Variants in ADAMTS3 observed in about 807,000 individuals in gnomAD.
The protein encoded by ADAMTS3 is A disintegrin and metalloproteinase with thrombospondin motifs 3.
In ADAMTS3, 73 loss-of-function variants were observed where a neutral mutation model predicts 129.0. The observed-to-expected ratio is 0.57, with a 90% CI of 0.47 to 0.69. ADAMTS3 has a LOEUF of 0.69. Among genes scored for constraint, ADAMTS3 ranks in the 30% least tolerant of loss-of-function variants. The probability of loss-of-function intolerance (pLI) is 0.00; values close to 1 mark genes in which losing one functional copy is unlikely to be tolerated. For synonymous variants in ADAMTS3, 477 were observed against 510.8 expected (o/e 0.93, Z 0.89); for missense variants, 1,457 against 1,514.5 (o/e 0.96, Z 0.63).
chr4:72,462,735 A>T (rs1170046215), intron 3 of ADAMTS3, among the ~76,000 whole-genome samples: 1 of 152,010 alleles, frequency 6.6e-6, no homozygotes, highest in Non-Finnish European at 1.5e-5. Flanking sequence ...AAAAATAGAA[A>T]ATATAGAATA....
Position 72,303,913 on chromosome 4 carries a change from A to G in ADAMTS3, c.2424+4T>C, listed in dbSNP as rs1450935030. On this transcript the variant is annotated splice_donor_region_variant and intron_variant, in intron 17 of 21. Coordinates refer to ENST00000286657, the MANE Select transcript of ADAMTS3 (RefSeq NM_014243.3). ...CTATACCATGAGCCCATAATGCCAC[A>G]TACCAAAACAATAACAGGATCATGT... 2 of 1,613,202 alleles carry G rather than the reference A, an allele frequency of 1.2e-6. No individual in the cohort carries two copies. The highest frequency in any genetic ancestry group is 8.5e-7 in the Non-Finnish European group (1 of 1,179,518).
intron 3 of ADAMTS3, among the ~76,000 whole-genome samples, chr4:72,431,414 T>C (rs1352799397): frequency 1.3e-5 from 2 of 151,938 alleles, no homozygotes; most frequent in Non-Finnish European, 2.9e-5. Flanking sequence ...ATCCAAAATT[T>C]GAACTGCTCT....
chr4:72,343,515 A>G (rs1203992215), intron 4 of ADAMTS3, among the ~76,000 whole-genome samples: 1 of 152,156 alleles, frequency 6.6e-6, no homozygotes, highest in African/African-American at 2.4e-5. Flanking sequence ...CGTGTCTCCC[A>G]ACAATCAGCA....
At chr4:72,447,473 A>G (rs1201595525) in intron 3 of ADAMTS3, among the ~76,000 whole-genome samples, 1 of 151,798 alleles carries the variant, frequency 6.6e-6, no homozygotes, top group East Asian at 2.0e-4. Flanking sequence ...AACTGCAAGT[A>G]AAGTTATTAA....
intron 4 of ADAMTS3, among the ~76,000 whole-genome samples, chr4:72,384,585 T>G (rs778736884): frequency 6.6e-6 from 1 of 152,022 alleles, no homozygotes; most frequent in Non-Finnish European, 1.5e-5. Flanking sequence ...GAAAATTACT[T>G]TCAAAAAGGT....
intron 3 of ADAMTS3, among the ~76,000 whole-genome samples, chr4:72,426,768 G>T (rs114041919): frequency 6.6e-6 from 1 of 151,822 alleles, no homozygotes; most frequent in African/African-American, 2.4e-5. Context: ...ATGTACCTGT[G>T]GTCCCAGCTA....
At chr4:72,299,053 CTGTGTGTGTG>C (rs60439058) in intron 17 of ADAMTS3, among the ~76,000 whole-genome samples, 188 of 138,142 alleles carry the variant, frequency 1.4e-3, no homozygotes, top group African/African-American at 2.5e-3. Context: ...TATTTGCATT[CTGTGTGTGTG>C]TGTGTGTGTG....
intron 3 of ADAMTS3, among the ~76,000 whole-genome samples, chr4:72,425,585 T>C (rs1393387049): frequency 6.6e-6 from 1 of 152,164 alleles, no homozygotes; most frequent in African/African-American, 2.4e-5. Context: ...ACATGCAGTG[T>C]TTGGTTTTTT....
chr4:72,393,050 C>T (rs747305246), intron 4 of ADAMTS3, among the ~76,000 whole-genome samples: 7 of 151,818 alleles, frequency 4.6e-5, no homozygotes, highest in East Asian at 3.9e-4. Context: ...CTCAGCCTCC[C>T]GAGTAGCTGG....
At chr4:72,294,251 G>A (rs1434750720) in intron 19 of ADAMTS3, among the ~76,000 whole-genome samples, 1 of 151,986 alleles carries the variant, frequency 6.6e-6, no homozygotes, top group Non-Finnish European at 1.5e-5. Context: ...TATAAAAGTG[G>A]AACTCACAGA....
At chr4:72,418,494 G>A (rs1393612685) in intron 3 of ADAMTS3, among the ~76,000 whole-genome samples, 1 of 152,148 alleles carries the variant, frequency 6.6e-6, no homozygotes, top group Non-Finnish European at 1.5e-5. Flanking sequence ...CAGGAGTCCA[G>A]GTTGACAGTG....
In ADAMTS3 at chr4:72,295,804, G is replaced by T; in HGVS notation, c.2591-18C>A. On this transcript the variant is annotated intron_variant, in intron 18 of 21. Coordinates refer to ENST00000286657, the MANE Select transcript of ADAMTS3 (RefSeq NM_014243.3). ...CTGGAAACCTGGAAAAGGAAATAAA[G>T]TTCTTTGGATTTAATCACTTCTTCA... 6.2e-7 allele frequency: 1 copy of T among 1,607,470 alleles called. No homozygotes were observed. Among genetic ancestry groups the T allele is most frequent in the South Asian group, 1.1e-5 (1 of 90,376 alleles).
intron 17 of ADAMTS3, among the ~76,000 whole-genome samples, chr4:72,299,216 G>A (rs1377765312): frequency 1.3e-5 from 2 of 151,848 alleles, no homozygotes; most frequent in African/African-American, 4.8e-5. Context: ...AGACTCAGAG[G>A]GGTCAGAGGG....
chr4:72,475,600 C>T (rs945063121), intron 3 of ADAMTS3, among the ~76,000 whole-genome samples: 1 of 151,718 alleles, frequency 6.6e-6, no homozygotes, highest in Non-Finnish European at 1.5e-5. Flanking sequence ...AACTAAACAG[C>T]TAGACAAAAA....
At chr4:72,385,561 A>T (rs756749426) in intron 4 of ADAMTS3, among the ~76,000 whole-genome samples, 11 of 152,136 alleles carry the variant, frequency 7.2e-5, no homozygotes, top group Non-Finnish European at 1.0e-4. Flanking sequence ...ATAATAATAA[A>T]AAAGCTAGCT....
At chr4:72,542,568 C>T (rs1286600579) in intron 3 of ADAMTS3, among the ~76,000 whole-genome samples, 10 of 152,250 alleles carry the variant, frequency 6.6e-5, no homozygotes, top group Non-Finnish European at 1.5e-4. Flanking sequence ...CATTCTGGAC[C>T]AGAATTTGAG....
intron 3 of ADAMTS3, among the ~76,000 whole-genome samples, chr4:72,491,329 G>C (rs1719739252): frequency 4.0e-5 from 6 of 151,528 alleles, no homozygotes; most frequent in Admixed American, 4.0e-4. Context: ...TAAAACTTCT[G>C]ATACTATGTT....
chr4:72,527,164 C>T (rs1422313475), intron 3 of ADAMTS3, among the ~76,000 whole-genome samples: 3 of 152,074 alleles, frequency 2.0e-5, no homozygotes, highest in African/African-American at 7.2e-5. Context: ...GACAATCTGA[C>T]CCTGTCGTCT....
chr4:72,496,458 C>T (rs1719875517), intron 3 of ADAMTS3, among the ~76,000 whole-genome samples: 1 of 152,138 alleles, frequency 6.6e-6, no homozygotes, highest in Non-Finnish European at 1.5e-5. Context: ...TCAGCCTGAT[C>T]CTTTCCAACC....
Sources: gnomAD v4.1 joint callset for allele counts (sites outside exome capture counted in the v4.1 genomes callset) on GRCh38, gnomAD v4.1.1 for gene constraint, MANE v1.5 for transcripts, NCBI Gene and HGNC (gene_info 2026-07-23, HGNC 2026-07-21) for gene names.